The following SNX29 variants were observed in gnomAD, a reference collection of about 807,000 sequenced individuals.
SNX29 encodes the protein sorting nexin-29.
A neutral mutation model predicts 102.1 loss-of-function variants in SNX29; 78 were observed. The observed-to-expected ratio is 0.76, with a 90% confidence interval of 0.64 to 0.92. SNX29 has a LOEUF of 0.92. Ranked by LOEUF, SNX29 falls within the 40% of genes least tolerant of loss-of-function variation. The pLI is 0.00. For missense variants in SNX29, 1,280 were observed against 1,061.7 expected (o/e 1.21, Z -2.86); for synonymous variants, 580 against 414.5 (o/e 1.40, Z -4.85).
chr16:12,400,157 G>C (rs1485049156), intron 17 of SNX29, among the ~76,000 whole-genome samples: 1 of 152,098 alleles, frequency 6.6e-6, no homozygotes, highest in African/African-American at 2.4e-5. Flanking sequence ...GGCAGCAATG[G>C]CACCATTCCC....
At position 12,573,672 on chromosome 16, in the gene SNX29, G is replaced by C. The variant is rs1485388353; in HGVS notation, c.*5043G>C. ...ACTCATTCACTGTCAGTGTAGGTAA[G>C]ACAGAGGATGCCCTTGCAAAAATTG... On this transcript the variant is annotated 3_prime_UTR_variant, in exon 21 of 21. Coordinates refer to ENST00000566228, the MANE Select transcript of SNX29 (RefSeq NM_032167.5). 4.5e-6 allele frequency: 1 copy of C among 222,942 alleles called. No homozygotes were observed. Among genetic ancestry groups the C allele is most frequent in the Admixed American group, 5.7e-5 (1 of 17,452 alleles). The allele number at this position is 222,942 out of a possible 1,614,324, so 13.8% of individuals were successfully genotyped here. A position where few individuals can be genotyped will look rare whatever the true frequency, so the allele number is the denominator to read the frequency against.
intron 13 of SNX29, among the ~76,000 whole-genome samples, chr16:12,133,822 C>T (rs1010353140): frequency 6.6e-6 from 1 of 152,218 alleles, no homozygotes; most frequent in East Asian, 1.9e-4. Flanking sequence ...CTATCTCCTA[C>T]TCAGAAAAGT....
chr16:12,505,327 G>A (rs1353854155), intron 19 of SNX29, among the ~76,000 whole-genome samples: 1 of 152,020 alleles, frequency 6.6e-6, no homozygotes, highest in Non-Finnish European at 1.5e-5. Context: ...CAAGATAAAG[G>A]TGCTAGCATA....
intron 20 of SNX29, among the ~76,000 whole-genome samples, chr16:12,542,393 T>G (rs1236944420): frequency 6.6e-6 from 1 of 152,238 alleles, no homozygotes; most frequent in African/African-American, 2.4e-5. Context: ...TGGAGTACAG[T>G]GGCACAGTCT....
intron 10 of SNX29, among the ~76,000 whole-genome samples, chr16:12,075,940 G>C (rs1184296155): frequency 6.6e-6 from 1 of 152,218 alleles, no homozygotes; most frequent in Non-Finnish European, 1.5e-5. Flanking sequence ...AGCAATCAGC[G>C]AGACTCCATG....
chr16:12,181,910 G>C (rs1031378735), intron 13 of SNX29, among the ~76,000 whole-genome samples: 1 of 150,270 alleles, frequency 6.7e-6, no homozygotes, highest in Non-Finnish European at 1.5e-5. Context: ...TGGAGACGGA[G>C]TCTCACTCTG....
chr16:12,452,258 G>T (rs943487035), intron 18 of SNX29, among the ~76,000 whole-genome samples: 2 of 144,356 alleles, frequency 1.4e-5, no homozygotes. Flanking sequence ...ATTTGGCAAT[G>T]CCTGAAAGCA....
intron 8 of SNX29, among the ~76,000 whole-genome samples, chr16:12,055,133 G>A (rs1383278201): frequency 2.6e-5 from 4 of 151,990 alleles, no homozygotes; most frequent in African/African-American, 9.7e-5. Flanking sequence ...GTGTGGATGT[G>A]TGTAGTTCCT....
intron 10 of SNX29, among the ~76,000 whole-genome samples, chr16:12,075,379 AACAG>A (rs2051504396): frequency 6.6e-6 from 1 of 152,276 alleles, no homozygotes; most frequent in East Asian, 1.9e-4. Context: ...TTTTCCTTCT[AACAG>A]ACAGGACCCT....
At chr16:12,448,803 A>G (rs1348962106) in intron 18 of SNX29, among the ~76,000 whole-genome samples, 1 of 152,202 alleles carries the variant, frequency 6.6e-6, no homozygotes, top group African/African-American at 2.4e-5. Context: ...TGTCCTGATC[A>G]GGTGCATCAA....
intron 3 of SNX29, among the ~76,000 whole-genome samples, chr16:12,015,198 A>G (rs1217474855): frequency 6.6e-6 from 1 of 151,964 alleles, no homozygotes; most frequent in Non-Finnish European, 1.5e-5. Flanking sequence ...TTTATTTTTT[A>G]TCTTGGTACT....
At chr16:12,247,226 T>TGGAG (rs2078285337) in intron 14 of SNX29, among the ~76,000 whole-genome samples, 2 of 152,128 alleles carry the variant, frequency 1.3e-5, no homozygotes, top group South Asian at 4.1e-4. Flanking sequence ...TAGCAAGGGA[T>TGGAG]GGAGGCTGGC....
At chr16:12,412,202 T>G (rs1410664627) in intron 18 of SNX29, among the ~76,000 whole-genome samples, 1 of 152,212 alleles carries the variant, frequency 6.6e-6, no homozygotes, top group African/African-American at 2.4e-5. Context: ...GCTTAATTCT[T>G]ACAGCAACCT....
chr16:12,388,334 G>A (rs1425890696), intron 16 of SNX29, among the ~76,000 whole-genome samples: 3 of 152,164 alleles, frequency 2.0e-5, no homozygotes, highest in Non-Finnish European at 4.4e-5. Flanking sequence ...AATTACATGA[G>A]TGGGTACAAA....
chr16:12,476,828 A>G (rs2087676509), intron 18 of SNX29, among the ~76,000 whole-genome samples: 1 of 152,168 alleles, frequency 6.6e-6, no homozygotes, highest in Non-Finnish European at 1.5e-5. Flanking sequence ...GCTTTCACGT[A>G]GGAACAGAAT....
At chr16:11,984,502 T>C (rs899147809) in intron 1 of SNX29, among the ~76,000 whole-genome samples, 4 of 152,194 alleles carry the variant, frequency 2.6e-5, no homozygotes, top group Admixed American at 2.6e-4. Flanking sequence ...CTCCATGGGC[T>C]CACTATTGAT....
intron 18 of SNX29, among the ~76,000 whole-genome samples, chr16:12,457,531 C>T (rs2086592144): frequency 6.6e-6 from 1 of 152,198 alleles, no homozygotes. Context: ...TGCTTCAGGA[C>T]AGGGTGGTCT....
intron 1 of SNX29, 192 bp downstream of exon 1, chr16:11,977,005 C>T: frequency 1.5e-6 from 1 of 666,218 alleles, no homozygotes; most frequent in Non-Finnish European, 2.1e-6. Flanking sequence ...TCTCTGATCT[C>T]CCGTGGCGGG....
At chr16:12,271,227 G>C (rs1022931689) in intron 14 of SNX29, among the ~76,000 whole-genome samples, 7 of 152,242 alleles carry the variant, frequency 4.6e-5, no homozygotes, top group African/African-American at 1.7e-4. Flanking sequence ...CCTGGCTCAG[G>C]GTCTCCCCTA....
Sources: gnomAD v4.1 joint callset for allele counts (sites outside exome capture counted in the v4.1 genomes callset) on GRCh38, gnomAD v4.1.1 for gene constraint, MANE v1.5 for transcripts, NCBI Gene and HGNC (gene_info 2026-07-23, HGNC 2026-07-21) for gene names.